The following LRP8 variants were observed in gnomAD, a reference collection of about 807,000 sequenced individuals.
The protein encoded by LRP8 is low-density lipoprotein receptor-related protein 8.
LRP8 carries 46 observed loss-of-function variants against 111.6 expected under a neutral mutation model. The ratio of observed to expected loss-of-function variants is 0.41; its 90% confidence interval spans 0.33 to 0.53. The LOEUF (loss-of-function observed/expected upper bound fraction) is 0.53, where lower values mean the gene tolerates loss of function less well. Ranked by LOEUF, LRP8 falls within the 20% of genes least tolerant of loss-of-function variation. The pLI is 0.20. For synonymous variants in LRP8, 464 were observed against 511.2 expected, an observed-to-expected ratio of 0.91 and a Z score of 1.24; for missense variants, 959 against 1,297.4, an observed-to-expected ratio of 0.74 and a Z score of 4.01.
chr1:53,243,470 G>A lies in LRP8; in HGVS notation c.*3548C>T, dbSNP rs1288491188. Reference sequence around the variant, plus strand: ...GAAAGCTTGAGGCTGAATAATATCAGTTCTGCAAAGTGCTGGCAATGCATC... The same window carrying A: ...GAAAGCTTGAGGCTGAATAATATCAATTCTGCAAAGTGCTGGCAATGCATC... On this transcript the variant is annotated 3_prime_UTR_variant, in exon 19 of 19. Coordinates refer to ENST00000306052, the MANE Select transcript of LRP8 (RefSeq NM_004631.5). 1.3e-5 allele frequency: 2 copies of A among 152,222 alleles called. No individual in the cohort carries two copies. Among genetic ancestry groups the A allele is most frequent in the Non-Finnish European group, 2.9e-5 (2 of 68,042 alleles). 9.4% of individuals were successfully genotyped at this position (152,222 alleles called of 1,614,324 possible).
At chr1:53,283,355 C>A (rs1238519750) in intron 3 of LRP8, among the ~76,000 whole-genome samples, 1 of 152,016 alleles carries the variant, frequency 6.6e-6, no homozygotes, top group African/African-American at 2.4e-5. Context: ...GCAGGCCTTG[C>A]GGGCTGCCAG....
intron 18 of LRP8, 47 bp from the exon 19 acceptor site, chr1:53,247,103 CTATT>C: frequency 1.3e-6 from 2 of 1,481,660 alleles, no homozygotes; most frequent in Non-Finnish European, 1.8e-6. Flanking sequence ...ATAAGAGTTA[CTATT>C]TATTTAGTAT....
At chr1:53,326,715 A>T (rs937766302) in intron 2 of LRP8, among the ~76,000 whole-genome samples, 158 bp downstream of exon 2, 1 of 151,824 alleles carries the variant, frequency 6.6e-6, no homozygotes, top group Non-Finnish European at 1.5e-5. Context: ...CCCGGCCCCG[A>T]GGGAGGCGGT....
chr1:53,297,561 C>T (rs1454849974), intron 2 of LRP8, among the ~76,000 whole-genome samples: 2 of 152,216 alleles, frequency 1.3e-5, no homozygotes, highest in Non-Finnish European at 2.9e-5. Flanking sequence ...CCCACCTTCC[C>T]ATCCCACCTG....
intron 2 of LRP8, among the ~76,000 whole-genome samples, chr1:53,313,243 A>ACC (rs1338510774): frequency 2.0e-5 from 3 of 152,146 alleles, no homozygotes; most frequent in African/African-American, 7.2e-5. Context: ...CTGGCAGGGC[A>ACC]CCTGGCACAG....
chr1:53,309,335 C>G (rs1205572215), intron 2 of LRP8, among the ~76,000 whole-genome samples: 1 of 152,188 alleles, frequency 6.6e-6, no homozygotes, highest in African/African-American at 2.4e-5. Flanking sequence ...ACCCCACTCC[C>G]CATAAGCATA....
chr1:53,321,617 G>T (rs1654526358), intron 2 of LRP8, among the ~76,000 whole-genome samples: 1 of 152,194 alleles, frequency 6.6e-6, no homozygotes, highest in South Asian at 2.1e-4. Context: ...GAGGAAAGTT[G>T]TCAAGTCGGC....
At chr1:53,296,594 C>T (rs776941308) in intron 2 of LRP8, among the ~76,000 whole-genome samples, 25 of 152,222 alleles carry the variant, frequency 1.6e-4, no homozygotes, top group South Asian at 4.1e-4. Context: ...GGGCAGGGGG[C>T]GTGCCAGCCC....
chr1:53,285,495 T>C (rs571194867), intron 3 of LRP8, among the ~76,000 whole-genome samples: 89 of 152,310 alleles, frequency 5.8e-4, no homozygotes, highest in Middle Eastern at 6.8e-3. Context: ...CTTAGGCAAC[T>C]ACTGAACCTC....
In LRP8 at chr1:53,246,940, A is replaced by G. The variant is rs1212296700; in HGVS notation, c.*78T>C. ...CACACAGACCCATATATAGAAACCC[A>G]TTCATCCAGTCATACACCATCCAGA... is the stretch of plus-strand genomic sequence containing the variant. On this transcript the variant is annotated 3_prime_UTR_variant, in exon 19 of 19. Coordinates refer to ENST00000306052, the MANE Select transcript of LRP8 (RefSeq NM_004631.5). The G allele has an allele frequency of 1.5e-6, 2 of 1,328,406 alleles. No homozygotes were observed. Among genetic ancestry groups the G allele is most frequent in the African/African-American group, 1.5e-5 (1 of 68,508 alleles). The allele number at this position is 1,328,406 out of a possible 1,614,324, so 82.3% of individuals were successfully genotyped here. A position where few individuals can be genotyped will look rare whatever the true frequency, so the allele number is the denominator to read the frequency against.
chr1:53,312,512 T>A lies in LRP8; in HGVS notation c.244+14361A>T, dbSNP rs371034177. On this transcript the variant is annotated intron_variant, in intron 2 of 18. Transcript: ENST00000306052. Reference sequence around the variant, plus strand: ...CCCAAGTAGCTATAGGCATGGACCATGACACCTGGCTAATTTTTTTTTTTT... The same window carrying A: ...CCCAAGTAGCTATAGGCATGGACCAAGACACCTGGCTAATTTTTTTTTTTT... Among the ~76,000 whole-genome samples, 32 of 150,504 alleles carry A rather than the reference T, an allele frequency of 2.1e-4. 1 individual carries two copies. The highest frequency in any genetic ancestry group is 8.0e-4 in the African/African-American group (32 of 40,044).
At chr1:53,327,447 C>G in intron 1 of LRP8, 1 of 261,790 alleles carries the variant, frequency 3.8e-6, no homozygotes. Context: ...CTGCTCATTA[C>G]CGCCGCGGAG....
At chr1:53,290,075 T>G (rs1194151392) in intron 2 of LRP8, among the ~76,000 whole-genome samples, 2 of 151,048 alleles carry the variant, frequency 1.3e-5, no homozygotes, top group African/African-American at 4.8e-5. Flanking sequence ...TTTCCCCAAC[T>G]GGACTGGAAG....
intron 2 of LRP8, among the ~76,000 whole-genome samples, chr1:53,318,115 G>A (rs1400992700): frequency 6.6e-6 from 1 of 152,232 alleles, no homozygotes; most frequent in East Asian, 1.9e-4. Context: ...TTCAGAGAGG[G>A]AGAGCCATTC....
At chr1:53,260,189 T>A (rs1646276405) in intron 13 of LRP8, among the ~76,000 whole-genome samples, 1 of 152,216 alleles carries the variant, frequency 6.6e-6, no homozygotes, top group South Asian at 2.1e-4. Flanking sequence ...TTCCGTTTCC[T>A]CAACTGTTAG....
At chr1:53,258,204 C>A in intron 14 of LRP8, 115 bp downstream of exon 14, 2 of 1,080,656 alleles carry the variant, frequency 1.9e-6, no homozygotes, top group Non-Finnish European at 2.6e-6. Flanking sequence ...CAACAAGTAA[C>A]CAGGGAAGAT....
At chr1:53,260,210 C>A (rs1572453754) in intron 13 of LRP8, among the ~76,000 whole-genome samples, 1 of 152,312 alleles carries the variant, frequency 6.6e-6, no homozygotes, top group East Asian at 1.9e-4. Context: ...AAGAGTAATA[C>A]CCACACTTTG....
chr1:53,271,944 C>G (rs552736129), intron 6 of LRP8, among the ~76,000 whole-genome samples: 1 of 152,004 alleles, frequency 6.6e-6, no homozygotes, highest in Admixed American at 6.5e-5. Context: ...GCACTGATAT[C>G]TGGTCTCCTG....
In LRP8 at chr1:53,279,262, G is replaced by T. The variant is rs1351499350; in HGVS notation, c.496+1325C>A. 1.3e-5 allele frequency among the ~76,000 whole-genome samples: 2 copies of T among 152,262 alleles called. No individual in the cohort carries two copies. Among genetic ancestry groups the T allele is most frequent in the South Asian group, 4.2e-4 (2 of 4,816 alleles). The stretch of plus-strand genomic sequence containing the variant: ...GGAGGACTCTTTCCTCTGCCTAGGA[G>T]GGTGGAAGCTATAGCATAGAAGCCC... On this transcript the variant is annotated intron_variant, in intron 4 of 18. Coordinates refer to ENST00000306052, the MANE Select transcript of LRP8 (RefSeq NM_004631.5). This position sits in a 1 kb window ranked among gnomAD's most constrained non-coding sequence, Gnocchi z 4.4.
Sources: gnomAD v4.1 joint callset for allele counts (sites outside exome capture counted in the v4.1 genomes callset) on GRCh38, gnomAD v4.1.1 for gene constraint, Gnocchi (gnomAD v3.1) non-coding constraint, MANE v1.5 for transcripts, NCBI Gene and HGNC (gene_info 2026-07-23, HGNC 2026-07-21) for gene names.